The following ABLIM1 variants were observed in gnomAD, a reference collection of about 807,000 sequenced individuals.
The protein encoded by ABLIM1 is actin binding LIM protein 1, also known as actin-binding LIM protein 1.
In ABLIM1, 40 loss-of-function variants were observed where a neutral mutation model predicts 107.0. The observed-to-expected ratio is 0.37, with a 90% confidence interval of 0.29 to 0.49. ABLIM1 has a LOEUF of 0.49. Among genes scored for constraint, ABLIM1 ranks in the 20% least tolerant of loss-of-function variants. ABLIM1 has a pLI of 0.97. For missense variants in ABLIM1, 857 were observed against 1,008.5 expected, an observed-to-expected ratio of 0.85 and a Z score of 2.04; for synonymous variants, 357 against 357.3, an observed-to-expected ratio of 1.00 and a Z score of 0.01.
At chr10:114,640,815 T>C (rs997516074) in intron 1 of ABLIM1, among the ~76,000 whole-genome samples, 2 of 152,154 alleles carry the variant, frequency 1.3e-5, no homozygotes, top group Non-Finnish European at 2.9e-5. Flanking sequence ...AACTACTGAG[T>C]TGAGAGAATC....
At chr10:114,513,194 C>A (rs1473068144) in intron 6 of ABLIM1, among the ~76,000 whole-genome samples, 2 of 152,122 alleles carry the variant, frequency 1.3e-5, no homozygotes, top group East Asian at 3.9e-4. Flanking sequence ...GCTGAAAATT[C>A]ATTTCTTACC....
At chr10:114,632,374 C>G (rs1002536464) in intron 1 of ABLIM1, 2 of 985,282 alleles carry the variant, frequency 2.0e-6, no homozygotes, top group African/African-American at 1.7e-5. Context: ...CAGCTAGAGA[C>G]GGTTCCAATA....
chr10:114,708,787 G>T (rs2081479899), intron 1 of ABLIM1, among the ~76,000 whole-genome samples: 1 of 152,098 alleles, frequency 6.6e-6, no homozygotes, highest in Non-Finnish European at 1.5e-5. Flanking sequence ...GATAAACTTT[G>T]CACCAAGCTG....
chr10:114,592,181 T>C (rs1452017605), intron 2 of ABLIM1, among the ~76,000 whole-genome samples: 1 of 152,178 alleles, frequency 6.6e-6, no homozygotes, highest in Admixed American at 6.6e-5. Context: ...CATACACAGT[T>C]ATGTACACAT....
chr10:114,593,641 C>G (rs746964688), intron 2 of ABLIM1, among the ~76,000 whole-genome samples: 5 of 152,170 alleles, frequency 3.3e-5, no homozygotes, highest in Admixed American at 3.3e-4. Flanking sequence ...CAAATCTGCC[C>G]TTGACTCTGG....
At chr10:114,476,459 T>C (rs1590158512) in intron 8 of ABLIM1, among the ~76,000 whole-genome samples, 1 of 151,876 alleles carries the variant, frequency 6.6e-6, no homozygotes, top group Non-Finnish European at 1.5e-5. Flanking sequence ...CTGGCCAACA[T>C]GGTGAAACCC....
At chr10:114,662,942 G>C (rs2079855972), upstream of ABLIM1, among the ~76,000 whole-genome samples, 1 of 152,220 alleles carries the variant, frequency 6.6e-6, no homozygotes, top group South Asian at 2.1e-4. Flanking sequence ...TCAGCTCAGA[G>C]TGGGGTCACA....
chr10:114,444,152 G>GAAAAAA lies in ABLIM1; in HGVS notation c.1828-24_1828-19dup. 7.8e-7 allele frequency: 1 copy of GAAAAAA among 1,276,176 alleles called. No individual in the cohort carries two copies. Among genetic ancestry groups the GAAAAAA allele is most frequent in the Non-Finnish European group, 1.1e-6 (1 of 941,264 alleles). 79.1% of individuals were successfully genotyped at this position (1,276,176 alleles called of 1,614,324 possible). On this transcript the variant is annotated intron_variant, in intron 16 of 22. Coordinates refer to ENST00000533213, the MANE Select transcript of ABLIM1 (RefSeq NM_002313.7). The stretch of plus-strand genomic sequence containing the variant: ...GAGTTAAGCTATTCACAGAAAAAAG[G>GAAAAAA]AAAAAAAAAAAAAAAAGAAAGCAAA...
At chr10:114,569,234 T>C (rs1214939402) in intron 4 of ABLIM1, among the ~76,000 whole-genome samples, 4 of 152,156 alleles carry the variant, frequency 2.6e-5, no homozygotes, top group African/African-American at 9.7e-5. Flanking sequence ...GCCATTCCCA[T>C]GATGGGCCTT....
intron 1 of ABLIM1, among the ~76,000 whole-genome samples, chr10:114,757,440 G>C (rs1441449771): frequency 6.6e-6 from 1 of 152,092 alleles, no homozygotes; most frequent in African/African-American, 2.4e-5. Context: ...CAAAATACTT[G>C]ATCTCCTCCC....
the ABLIM1 span, among the ~76,000 whole-genome samples, chr10:114,787,547 C>T: frequency 2.1e-4 from 31 of 146,260 alleles, no homozygotes; most frequent in African/African-American, 6.8e-4. Context: ...GTCAGCCCCC[C>T]GCCCGGCCAG....
intron 1 of ABLIM1, among the ~76,000 whole-genome samples, chr10:114,702,156 CTTTATGAATAGTAAGCTAAAACATAAGA>C (rs2081319026): frequency 6.6e-6 from 1 of 152,140 alleles, no homozygotes; most frequent in African/African-American, 2.4e-5. Context: ...TACTTTAAGT[CTTTATGAATAGTAAGCTAAAACATAAGA>C]TTTCAGTTGT....
At chr10:114,743,002 C>T (rs1271941766) in intron 1 of ABLIM1, among the ~76,000 whole-genome samples, 2 of 152,172 alleles carry the variant, frequency 1.3e-5, no homozygotes, top group Non-Finnish European at 2.9e-5. Flanking sequence ...AGTCTTAGAA[C>T]ATTGCTTGGC....
chr10:114,745,023 C>T (rs1300163696), intron 1 of ABLIM1, among the ~76,000 whole-genome samples: 2 of 152,100 alleles, frequency 1.3e-5, no homozygotes, highest in East Asian at 1.9e-4. Context: ...AGCACCACAA[C>T]CCCCGCTTCC....
intron 2 of ABLIM1, among the ~76,000 whole-genome samples, chr10:114,590,592 C>A (rs548773691): frequency 1.3e-5 from 2 of 152,118 alleles, no homozygotes; most frequent in South Asian, 4.2e-4. Context: ...AGGAGAAACC[C>A]AGGGTTTTAG....
intron 6 of ABLIM1, among the ~76,000 whole-genome samples, chr10:114,515,607 T>C (rs1205555731): frequency 6.6e-6 from 1 of 152,128 alleles, no homozygotes; most frequent in Non-Finnish European, 1.5e-5. Context: ...TTGACTTGTG[T>C]CCCCCAAAAA....
At chr10:114,557,662 T>C (rs530886356) in intron 4 of ABLIM1, among the ~76,000 whole-genome samples, 105 of 140,690 alleles carry the variant, frequency 7.5e-4, no homozygotes, top group Admixed American at 1.9e-3. Flanking sequence ...AATAGCTCCA[T>C]AGTGAGGTGT....
chr10:114,517,507 G>A (rs1590802074), intron 6 of ABLIM1, among the ~76,000 whole-genome samples: 1 of 152,060 alleles, frequency 6.6e-6, no homozygotes, highest in Non-Finnish European at 1.5e-5. Flanking sequence ...CCAGAAATGT[G>A]ACAGAATACA....
At chr10:114,765,739 T>C (rs555471299) in intron 1 of ABLIM1, among the ~76,000 whole-genome samples, 1 of 152,332 alleles carries the variant, frequency 6.6e-6, no homozygotes, top group Non-Finnish European at 1.5e-5. Flanking sequence ...CATAAAAAGA[T>C]ACGTAAAATC....
Sources: gnomAD v4.1 joint callset for allele counts (sites outside exome capture counted in the v4.1 genomes callset) on GRCh38, gnomAD v4.1.1 for gene constraint, MANE v1.5 for transcripts, NCBI Gene and HGNC (gene_info 2026-07-23, HGNC 2026-07-21) for gene names.